Variants in EXOC6B observed in about 807,000 individuals in gnomAD.
EXOC6B encodes exocyst complex component 6B, also known as SEC15 homolog B.
Under a neutral mutation model 113.5 loss-of-function variants are expected in EXOC6B, and 54 were observed. The observed-to-expected ratio is 0.48, with a 90% CI of 0.38 to 0.60. The LOEUF is 0.60. Ranked by LOEUF, EXOC6B falls within the 20% of genes least tolerant of loss-of-function variation. The pLI is 0.00. For synonymous variants in EXOC6B, 357 were observed against 339.0 expected (o/e 1.05, Z -0.58); for missense variants, 797 against 977.5 (o/e 0.82, Z 2.46).
intron 18 of EXOC6B, among the ~76,000 whole-genome samples, 190 bp from the exon 19 acceptor site, chr2:72,380,060 C>T (rs753783649): frequency 3.3e-5 from 5 of 152,098 alleles, no homozygotes; most frequent in Admixed American, 6.6e-5. Context: ...ATAATAGCTC[C>T]GTCACCATCA....
chr2:72,650,893 A>G (rs1176912735), intron 6 of EXOC6B, among the ~76,000 whole-genome samples: 1 of 151,452 alleles, frequency 6.6e-6, no homozygotes, highest in Admixed American at 6.6e-5. Context: ...AAAAAAAAAA[A>G]CAAAAAAACA....
chr2:72,513,052 T>G, intron 11 of EXOC6B, 80 bp downstream of exon 11: 1 of 1,502,348 alleles, frequency 6.7e-7, no homozygotes, highest in Non-Finnish European at 9.1e-7. Flanking sequence ...GACATACATA[T>G]GTTGATTTTA....
At chr2:72,671,511 A>G (rs182627233) in intron 6 of EXOC6B, among the ~76,000 whole-genome samples, 99 of 152,176 alleles carry the variant, frequency 6.5e-4, no homozygotes, top group African/African-American at 2.3e-3. Flanking sequence ...AGTTGCCAAC[A>G]TGGTGAAACC....
At chr2:72,619,002 T>C (rs1283844560) in intron 6 of EXOC6B, among the ~76,000 whole-genome samples, 1 of 152,176 alleles carries the variant, frequency 6.6e-6, no homozygotes, top group Non-Finnish European at 1.5e-5. Flanking sequence ...AAAATAGTGT[T>C]GCTAATGAAC....
intron 20 of EXOC6B, among the ~76,000 whole-genome samples, chr2:72,231,768 GAA>G (rs1681634859): frequency 6.6e-6 from 1 of 152,088 alleles, no homozygotes; most frequent in Non-Finnish European, 1.5e-5. Context: ...CAAATCAAAA[GAA>G]TGAGATACAT....
chr2:72,742,103 T>C (rs954826617), intron 1 of EXOC6B, among the ~76,000 whole-genome samples: 4 of 152,168 alleles, frequency 2.6e-5, no homozygotes, highest in Non-Finnish European at 5.9e-5. Flanking sequence ...TCTTCCCTCA[T>C]TAAAATCAAC....
intron 20 of EXOC6B, among the ~76,000 whole-genome samples, chr2:72,185,590 C>T (rs76477185): frequency 3.9e-5 from 6 of 152,304 alleles, no homozygotes; most frequent in East Asian, 1.9e-4. Flanking sequence ...TGGTCCCAAA[C>T]GGCCCCTCAG....
chr2:72,714,932 G>C (rs1470706971), intron 6 of EXOC6B, among the ~76,000 whole-genome samples: 1 of 152,126 alleles, frequency 6.6e-6, no homozygotes, highest in African/African-American at 2.4e-5. Context: ...CATTTTGAGG[G>C]AATGATAATG....
At chr2:72,469,870 G>C (rs55747300) in intron 17 of EXOC6B, among the ~76,000 whole-genome samples, 10,516 of 152,096 alleles carry the variant, frequency 0.069, 513 homozygotes, top group Non-Finnish European at 0.11. Context: ...GACAATAGAT[G>C]TTAACATATA....
intron 8 of EXOC6B, among the ~76,000 whole-genome samples, chr2:72,553,336 A>G (rs1023745198): frequency 6.6e-6 from 1 of 152,122 alleles, no homozygotes; most frequent in African/African-American, 2.4e-5. Flanking sequence ...CTCTTCCATG[A>G]CTGGGATGAC....
At chr2:72,580,254 G>A (rs1208041400) in intron 6 of EXOC6B, among the ~76,000 whole-genome samples, 1 of 146,782 alleles carries the variant, frequency 6.8e-6, no homozygotes, top group East Asian at 2.0e-4. Context: ...CGATTCTCAT[G>A]CCTCAGCCTC....
intron 5 of EXOC6B, chr2:72,722,122 C>T (rs1680049391): frequency 6.6e-6 from 1 of 151,186 alleles, no homozygotes; most frequent in Non-Finnish European, 1.5e-5. Context: ...ACTGGAAACA[C>T]ACACACACAC....
At chr2:72,807,455 G>C (rs549019465) in intron 1 of EXOC6B, among the ~76,000 whole-genome samples, 1 of 152,122 alleles carries the variant, frequency 6.6e-6, no homozygotes, top group South Asian at 2.1e-4. Flanking sequence ...CAGATAATGT[G>C]ATGCCTCCAG....
intron 18 of EXOC6B, among the ~76,000 whole-genome samples, chr2:72,450,620 T>A (rs1346433639): frequency 6.6e-6 from 1 of 152,236 alleles, no homozygotes; most frequent in Non-Finnish European, 1.5e-5. Flanking sequence ...TAAAGTCCTA[T>A]ATTCCATAAT....
At chr2:72,428,360 T>C (rs1648637752) in intron 18 of EXOC6B, among the ~76,000 whole-genome samples, 1 of 152,204 alleles carries the variant, frequency 6.6e-6, no homozygotes, top group South Asian at 2.1e-4. Flanking sequence ...CTGTGTTTCA[T>C]GGCATCTACA....
chr2:72,265,939 T>C (rs1473617572), intron 20 of EXOC6B, among the ~76,000 whole-genome samples: 21 of 152,006 alleles, frequency 1.4e-4, no homozygotes, highest in African/African-American at 3.6e-4. Context: ...TTTTAATAAT[T>C]GCCATTCTAA....
chr2:72,379,214 T>C (rs1227760268), intron 19 of EXOC6B, among the ~76,000 whole-genome samples: 7 of 152,154 alleles, frequency 4.6e-5, no homozygotes, highest in African/African-American at 1.7e-4. Context: ...ACTAAACCAA[T>C]ACAGCAACTG....
chr2:72,388,563 T>C lies in EXOC6B; in HGVS notation c.1981-8693A>G, dbSNP rs111253928. On this transcript the variant is annotated intron_variant, in intron 18 of 21. Coordinates refer to ENST00000272427, the MANE Select transcript of EXOC6B (RefSeq NM_015189.3). ...ATAAATAGACATCAATTAAGTCAAGTTGTATGATAATTGTTGTTCAAGTCT... is the reference window on the plus strand; with the variant it reads ...ATAAATAGACATCAATTAAGTCAAGCTGTATGATAATTGTTGTTCAAGTCT... Among the ~76,000 whole-genome samples, 1,456 of 152,268 alleles carry C rather than the reference T, an allele frequency of 9.6e-3. 23 individuals are homozygous for C. Among genetic ancestry groups the C allele is most frequent in the African/African-American group, 0.032 (1,346 of 41,566 alleles).
chr2:72,498,590 A>C (rs1271055229), intron 12 of EXOC6B, 39 bp from the exon 13 acceptor site: 5 of 1,391,140 alleles, frequency 3.6e-6, no homozygotes, highest in Non-Finnish European at 4.9e-6. Flanking sequence ...TGTCTAAGGA[A>C]GGAGTTTTTT....
Sources: allele counts gnomAD v4.1 joint callset (sites outside exome capture counted in the v4.1 genomes callset), GRCh38; gene constraint gnomAD v4.1.1; transcripts MANE v1.5; gene names NCBI Gene and HGNC (gene_info 2026-07-23, HGNC 2026-07-21).